The following MTUS2 variants were observed in gnomAD, a reference collection of about 807,000 sequenced individuals.
MTUS2 encodes the protein microtubule associated scaffold protein 2.
Under a neutral mutation model 114.1 loss-of-function variants are expected in MTUS2, and 40 were observed. The ratio of observed to expected loss-of-function variants is 0.35; its 90% CI spans 0.27 to 0.46. The LOEUF is 0.46. Ranked by LOEUF, MTUS2 falls within the 20% of genes least tolerant of loss-of-function variation. The pLI, the probability that MTUS2 is intolerant of heterozygous loss-of-function variation, is 1.00. For synonymous variants in MTUS2, 688 were observed against 672.0 expected (o/e 1.02, Z -0.37); for missense variants, 1,679 against 1,705.4 (o/e 0.98, Z 0.27).
chr13:28,967,546 CATT>C (rs1161817685), intron 2 of MTUS2, among the ~76,000 whole-genome samples: 4 of 152,176 alleles, frequency 2.6e-5, no homozygotes, highest in Non-Finnish European at 5.9e-5. Flanking sequence ...TTGTCATCAT[CATT>C]GTCATGGAAA....
chr13:29,463,206 TCTC>T (rs887890336), intron 9 of MTUS2, among the ~76,000 whole-genome samples: 21 of 152,078 alleles, frequency 1.4e-4, no homozygotes, highest in African/African-American at 5.1e-4. Flanking sequence ...GGATATGTAT[TCTC>T]CTGGGAGCCA....
rs79670021 is a variant in MTUS2, at chr13:29,282,578, G to A, written c.2806+713G>A. Reference sequence around the variant, plus strand: ...CACAAGTGCATCTATTTGCCTGCAGGGATGTTTGTGTATCTTGTTCCTAGC... The same window carrying A: ...CACAAGTGCATCTATTTGCCTGCAGAGATGTTTGTGTATCTTGTTCCTAGC... On this transcript the variant is annotated intron_variant, in intron 6 of 15. Coordinates refer to ENST00000612955, the MANE Select transcript of MTUS2 (RefSeq NM_001033602.4). 4.7e-3 allele frequency among the ~76,000 whole-genome samples: 719 copies of A among 152,288 alleles called. 4 individuals are homozygous for A. Among genetic ancestry groups the A allele is most frequent in the African/African-American group, 0.016 (664 of 41,544 alleles).
At chr13:29,103,409 T>G (rs1385463177) in intron 5 of MTUS2, among the ~76,000 whole-genome samples, 2 of 152,158 alleles carry the variant, frequency 1.3e-5, no homozygotes, top group Non-Finnish European at 2.9e-5. Context: ...TATAACACAA[T>G]AGTGCGTATT....
At chr13:29,220,217 T>C (rs1593183361) in intron 5 of MTUS2, among the ~76,000 whole-genome samples, 1 of 152,130 alleles carries the variant, frequency 6.6e-6, no homozygotes. Context: ...TCCAGGCTGG[T>C]CTTGAACTCC....
At chr13:29,306,944 T>A in intron 6 of MTUS2, 1 of 544,554 alleles carries the variant, frequency 1.8e-6, no homozygotes, top group South Asian at 1.4e-5. Context: ...CATGGCAAAT[T>A]CCATGGCACT....
At chr13:29,047,695 A>G (rs1593419587) in intron 4 of MTUS2, among the ~76,000 whole-genome samples, 2 of 151,968 alleles carry the variant, frequency 1.3e-5, no homozygotes, top group Admixed American at 6.6e-5. Flanking sequence ...TTGTGTTTTT[A>G]GTAGAGACGG....
intron 8 of MTUS2, chr13:29,428,841 G>T (rs375700983): frequency 1.9e-6 from 3 of 1,613,888 alleles, no homozygotes; most frequent in Non-Finnish European, 2.5e-6. Context: ...CAGCCTGCCG[G>T]GATGGGCCAT....
intron 7 of MTUS2, among the ~76,000 whole-genome samples, chr13:29,354,983 T>G (rs1467652571): frequency 6.6e-6 from 1 of 152,216 alleles, no homozygotes; most frequent in African/African-American, 2.4e-5. Flanking sequence ...GTCCTATAAT[T>G]CTTTGCCTTC....
At chr13:29,171,245 C>T (rs1276317715) in intron 5 of MTUS2, among the ~76,000 whole-genome samples, 3 of 152,042 alleles carry the variant, frequency 2.0e-5, no homozygotes, top group Non-Finnish European at 4.4e-5. Flanking sequence ...TGTTCAGGTT[C>T]TAGTGAAAAT....
chr13:29,146,865 C>T (rs1892457113), intron 5 of MTUS2, among the ~76,000 whole-genome samples: 1 of 152,048 alleles, frequency 6.6e-6, no homozygotes, highest in Non-Finnish European at 1.5e-5. Context: ...ATTTAGAGTG[C>T]CTAGGATGGC....
At chr13:28,995,479 A>AT (rs1232903072) in intron 2 of MTUS2, among the ~76,000 whole-genome samples, 1 of 152,144 alleles carries the variant, frequency 6.6e-6, no homozygotes, top group African/African-American at 2.4e-5. Context: ...GAATCTATAA[A>AT]TTACCTTGGG....
intron 1 of MTUS2, among the ~76,000 whole-genome samples, chr13:28,833,834 C>A (rs1476701601): frequency 6.6e-6 from 1 of 151,948 alleles, no homozygotes; most frequent in African/African-American, 2.4e-5. Context: ...CTAAAAAGTT[C>A]AGTAAGGTGG....
chr13:29,365,545 T>G (rs989364955), intron 8 of MTUS2, among the ~76,000 whole-genome samples: 1 of 149,632 alleles, frequency 6.7e-6, no homozygotes, highest in Non-Finnish European at 1.5e-5. Flanking sequence ...AATGTCACTT[T>G]TTTGAAGGCA....
At chr13:29,031,834 A>G (rs1372390496) in intron 3 of MTUS2, among the ~76,000 whole-genome samples, 1 of 152,012 alleles carries the variant, frequency 6.6e-6, no homozygotes, top group African/African-American at 2.4e-5. Flanking sequence ...TTGTTAACAA[A>G]GCCTTCACCT....
chr13:29,024,122 A>G (rs972061526), intron 2 of MTUS2, among the ~76,000 whole-genome samples: 2 of 152,196 alleles, frequency 1.3e-5, no homozygotes, highest in African/African-American at 4.8e-5. Context: ...CAAATTCTAT[A>G]ATTTTTTTCT....
intron 2 of MTUS2, among the ~76,000 whole-genome samples, chr13:28,939,330 T>C (rs547173489): frequency 1.3e-5 from 2 of 152,292 alleles, no homozygotes; most frequent in South Asian, 2.1e-4. Context: ...AGCTAAAGAC[T>C]AGGGGCATTT....
intron 3 of MTUS2, among the ~76,000 whole-genome samples, chr13:29,027,764 C>A (rs1886627841): frequency 6.6e-6 from 1 of 152,094 alleles, no homozygotes; most frequent in Non-Finnish European, 1.5e-5. Flanking sequence ...TGGTCTTGAT[C>A]TCCTGACCTC....
At chr13:29,283,722 A>G (rs756821423) in intron 6 of MTUS2, among the ~76,000 whole-genome samples, 2 of 152,340 alleles carry the variant, frequency 1.3e-5, no homozygotes, top group Middle Eastern at 3.4e-3. Context: ...ACTAGGGATT[A>G]CACTTTGTGA....
intron 9 of MTUS2, among the ~76,000 whole-genome samples, chr13:29,440,997 T>C (rs1179983686): frequency 6.6e-6 from 1 of 152,234 alleles, no homozygotes; most frequent in African/African-American, 2.4e-5. Context: ...TAAAATGTTT[T>C]CTTTTTCTCC....
Sources: gnomAD v4.1 joint callset for allele counts (sites outside exome capture counted in the v4.1 genomes callset) on GRCh38, gnomAD v4.1.1 for gene constraint, MANE v1.5 for transcripts, NCBI Gene and HGNC (gene_info 2026-07-23, HGNC 2026-07-21) for gene names.